Variants in CGNL1 observed in about 807,000 individuals in gnomAD.
CGNL1 encodes the protein cingulin like 1.
Under a neutral mutation model 141.2 loss-of-function variants are expected in CGNL1, and 132 were observed. The observed-to-expected ratio is 0.93, with a 90% CI of 0.81 to 1.08. The LOEUF (loss-of-function observed/expected upper bound fraction) is 1.08. Among genes scored for constraint, CGNL1 ranks in the 50% least tolerant of loss-of-function variants. The probability of loss-of-function intolerance (pLI) is 0.00; values close to 1 mark genes in which losing one functional copy is unlikely to be tolerated. For synonymous variants in CGNL1, 690 were observed against 622.1 expected (o/e 1.11, Z -1.63); for missense variants, 1,870 against 1,588.6 (o/e 1.18, Z -3.01).
chr15:57,528,403 G>T (rs974772207), intron 12 of CGNL1, among the ~76,000 whole-genome samples: 7 of 152,084 alleles, frequency 4.6e-5, no homozygotes, highest in African/African-American at 1.7e-4. Flanking sequence ...ATTAAAAAAT[G>T]CTGGTCAATA....
chr15:57,383,258 G>A lies in CGNL1; in HGVS notation c.-16+6691G>A, dbSNP rs149289263. Among the ~76,000 whole-genome samples, 338 of 150,898 alleles carry A rather than the reference G, an allele frequency of 2.2e-3. 5 individuals carry two copies. Among genetic ancestry groups the A allele is most frequent in the Admixed American group, 4.5e-3 (69 of 15,204 alleles). ...AAAATAGCTTGCAAAGGGATTGCAG[G>A]GTGGAGTTTAACAAACTTAAGATTT... On this transcript the variant is annotated intron_variant, in intron 1 of 18. Transcript: ENST00000281282.
chr15:57,379,961 C>T (rs1284753648), intron 1 of CGNL1, among the ~76,000 whole-genome samples: 1 of 152,154 alleles, frequency 6.6e-6, no homozygotes, highest in African/African-American at 2.4e-5. Flanking sequence ...CTTCTCTCCT[C>T]ATGCACCCTC....
At chr15:57,489,885 A>AG (rs34172552) in intron 8 of CGNL1, among the ~76,000 whole-genome samples, 20,104 of 152,200 alleles carry the variant, frequency 0.13, 1,925 homozygotes, top group East Asian at 0.46. Flanking sequence ...GGTAGATGAG[A>AG]GGTTGTGAGA....
At chr15:57,413,115 T>G (rs2062808693) in intron 1 of CGNL1, among the ~76,000 whole-genome samples, 1 of 152,160 alleles carries the variant, frequency 6.6e-6, no homozygotes, top group South Asian at 2.1e-4. Context: ...CACCTTGGCC[T>G]CCCAAAGTGC....
At chr15:57,537,214 A>G (rs1289710125) in intron 14 of CGNL1, among the ~76,000 whole-genome samples, 2 of 152,182 alleles carry the variant, frequency 1.3e-5, no homozygotes, top group African/African-American at 4.8e-5. Context: ...GGCAGGCAGG[A>G]AAAATACCAA....
At chr15:57,478,670 G>A (rs191564318) in intron 8 of CGNL1, among the ~76,000 whole-genome samples, 11 of 152,060 alleles carry the variant, frequency 7.2e-5, no homozygotes, top group East Asian at 1.9e-4. Context: ...TGAGAGTCTC[G>A]CACTGTCACC....
At chr15:57,403,565 A>G (rs1213528751) in intron 1 of CGNL1, among the ~76,000 whole-genome samples, 1 of 152,202 alleles carries the variant, frequency 6.6e-6, no homozygotes, top group Non-Finnish European at 1.5e-5. Context: ...ACTGAGAGCA[A>G]TGGGCAGAGG....
intron 8 of CGNL1, among the ~76,000 whole-genome samples, chr15:57,510,664 G>A (rs2030206209): frequency 1.3e-5 from 2 of 152,102 alleles, no homozygotes; most frequent in Admixed American, 6.5e-5. Flanking sequence ...ATTTATAATG[G>A]AAAAACCCAA....
intron 9 of CGNL1, 23 bp downstream of exon 9, chr15:57,517,009 C>A (rs777893641): frequency 1.2e-6 from 2 of 1,602,800 alleles, no homozygotes; most frequent in South Asian, 1.1e-5. Context: ...GGGCCCAGGC[C>A]CAGCTTTGGC....
intron 4 of CGNL1, among the ~76,000 whole-genome samples, chr15:57,450,422 G>A (rs1435328424): frequency 2.0e-5 from 3 of 152,082 alleles, no homozygotes; most frequent in South Asian, 2.1e-4. Flanking sequence ...GACTACAGAC[G>A]TGTGCCACTA....
rs764259140 is a variant in CGNL1 at position 57,453,683 on chromosome 15, G to C, written c.2055G>C (p.Glu685Asp). The change falls in exon 7 of 19, where the codon GAG becomes GAC. Residue 685 changes from glutamate to aspartate, a missense_variant and splice_region_variant. Coordinates refer to ENST00000281282, the MANE Select transcript of CGNL1 (RefSeq NM_032866.5). ...SEGELRKNLE[E>D]LFQVKMEREQ... is the part of the protein sequence containing the mutation. ...TCTAATGGGCTTCCTTCCCTGCCAG[G>C]CTATTCCAGGTGAAGATGGAACGGG... The C allele has an allele frequency of 1.9e-6, 3 of 1,613,636 alleles. No homozygotes were observed. The highest frequency in any genetic ancestry group is 2.5e-6 in the Non-Finnish European group (3 of 1,179,830).
At chr15:57,436,563 C>A (rs1342217479) in intron 1 of CGNL1, among the ~76,000 whole-genome samples, 1 of 152,088 alleles carries the variant, frequency 6.6e-6, no homozygotes, top group Non-Finnish European at 1.5e-5. Flanking sequence ...TTAGTAGGAA[C>A]TGACATAATT....
intron 8 of CGNL1, among the ~76,000 whole-genome samples, chr15:57,481,063 G>GTTT (rs1567144577): frequency 5.7e-5 from 6 of 105,098 alleles, no homozygotes; most frequent in East Asian, 2.5e-4. Flanking sequence ...AAAGACCTGG[G>GTTT]GTTTTTTTTT....
At chr15:57,422,648 A>T (rs1248256160) in intron 1 of CGNL1, among the ~76,000 whole-genome samples, 2 of 152,110 alleles carry the variant, frequency 1.3e-5, no homozygotes, top group African/African-American at 2.4e-5. Flanking sequence ...ACATAGTAAG[A>T]GTGTTTAAGA....
chr15:57,523,706 G>C (rs2031424596), intron 11 of CGNL1, 65 bp downstream of exon 11: 1 of 1,568,338 alleles, frequency 6.4e-7, no homozygotes, highest in Admixed American at 1.7e-5. Flanking sequence ...AGTCCCCTCT[G>C]AGGGTCTGGT....
rs2032931648 is a variant in CGNL1 at position 57,547,461 on chromosome 15, A to G, written c.3880A>G (p.Lys1294Glu). 6.2e-7 allele frequency: 1 copy of G among 1,614,030 alleles called. No individual in the cohort carries two copies. The highest frequency in any genetic ancestry group is 8.5e-7 in the Non-Finnish European group (1 of 1,180,014). Reference protein sequence around the residue: ...YEAPVSYTFSKDSTVASQI With the variant: ...YEAPVSYTFSEDSTVASQI Reference sequence around the variant, plus strand: ...GGCGCCTGTGAGCTACACATTCTCCAAGGACAGCACCGTCGCCAGCCAGAT... The same window carrying G: ...GGCGCCTGTGAGCTACACATTCTCCGAGGACAGCACCGTCGCCAGCCAGAT... The change falls in exon 19 of 19, where the codon AAG (lysine) becomes GAG (glutamate). Residue 1294 changes from lysine to glutamate, a missense_variant. Lys to Glu is a moderately conservative substitution (Grantham distance 56). Transcript: ENST00000281282.
chr15:57,497,486 T>G (rs1011609231), intron 8 of CGNL1, among the ~76,000 whole-genome samples: 2 of 152,232 alleles, frequency 1.3e-5, no homozygotes, highest in Non-Finnish European at 2.9e-5. Flanking sequence ...AGACACATTC[T>G]CATGCTTCAA....
intron 1 of CGNL1, among the ~76,000 whole-genome samples, chr15:57,408,548 GT>G (rs1202509264): frequency 1.3e-5 from 2 of 151,990 alleles, no homozygotes; most frequent in Admixed American, 6.5e-5. Flanking sequence ...TTTTAGTTTA[GT>G]TTTTTAGAGA....
intron 8 of CGNL1, among the ~76,000 whole-genome samples, chr15:57,515,730 G>T (rs149468177): frequency 1.3e-3 from 199 of 152,266 alleles, no homozygotes; most frequent in African/African-American, 4.6e-3. Flanking sequence ...ATTCCTTTCT[G>T]TTGTGGATTG....
Sources: gnomAD v4.1 joint callset for allele counts (sites outside exome capture counted in the v4.1 genomes callset) on GRCh38, gnomAD v4.1.1 for gene constraint, MANE v1.5 for transcripts, NCBI Gene and HGNC (gene_info 2026-07-23, HGNC 2026-07-21) for gene names.